The following BEND7 variants were observed in gnomAD, a reference collection of about 807,000 sequenced individuals.
BEND7 encodes the protein BEN domain containing 7.
Under a neutral mutation model 50.9 loss-of-function variants are expected in BEND7, and 28 were observed. That is an observed-to-expected ratio of 0.55 (90% confidence interval 0.41 to 0.75). BEND7 has a LOEUF of 0.75. BEND7 is among the 30% of genes least tolerant of loss of function. The pLI is 0.00. For synonymous variants in BEND7, 170 were observed against 183.9 expected (o/e 0.92, Z 0.61); for missense variants, 477 against 491.3 (o/e 0.97, Z 0.28).
Position 13,442,962 on chromosome 10 carries a change from A to G in BEND7, c.1235-1212T>C, listed in dbSNP as rs1302849377. On this transcript the variant is annotated intron_variant, in intron 8 of 8. Transcript: ENST00000466271. ...CAACTGCTCTCTCAGCACTGGAAAG[A>G]GCCATTCTCCTTTATACTGCATCTA... The G allele has an allele frequency of 2.2e-4, 33 of 152,250 alleles. 1 individual carries two copies. Among genetic ancestry groups the G allele is most frequent in the Admixed American group, 2.2e-3 (33 of 15,288 alleles). The allele number at this position is 152,250 out of a possible 1,614,324, so 9.4% of individuals were successfully genotyped here. A position where few individuals can be genotyped will look rare whatever the true frequency, so the allele number is the denominator to read the frequency against.
At chr10:13,461,534 A>G (rs1392552581) in intron 6 of BEND7, among the ~76,000 whole-genome samples, 2 of 152,192 alleles carry the variant, frequency 1.3e-5, no homozygotes, top group East Asian at 3.8e-4. Flanking sequence ...GGAGTTTGAG[A>G]CCATCCTGGC....
intron 6 of BEND7, among the ~76,000 whole-genome samples, chr10:13,476,192 G>A (rs1354739676): frequency 1.3e-5 from 2 of 152,120 alleles, no homozygotes; most frequent in Admixed American, 1.3e-4. Flanking sequence ...TAAAACAAGA[G>A]GTTTTGGTGG....
In BEND7 at chr10:13,528,590, AGCGGCG is replaced by A; in HGVS notation, c.-63_-58del. The A allele has an allele frequency of 2.4e-6, 2 of 817,012 alleles. No individual in the cohort carries two copies. The highest frequency in any genetic ancestry group is 2.9e-6 in the Non-Finnish European group (2 of 692,854). 50.6% of individuals were successfully genotyped at this position (817,012 alleles called of 1,614,324 possible). A position where few individuals can be genotyped will look rare whatever the true frequency, so the allele number is the denominator to read the frequency against. On this transcript the variant is annotated 5_prime_UTR_variant, in exon 1 of 9. Transcript: ENST00000466271. ...AGGCGGCGGCAGCGGCGGCAGCGGC[AGCGGCG>A]GCAGCGGCAGCGGCGGCGCGGGCTC...
At chr10:13,529,117 C>CGGCCGCCGCCATCCCCGGG (rs1455195425), upstream of BEND7, 1 of 144,476 alleles carries the variant, frequency 6.9e-6, no homozygotes, top group Non-Finnish European at 1.5e-5. Context: ...TGGCGGAGCC[C>CGGCCGCCGCCATCCCCGGG]GGCCGCCGCC....
intron 2 of BEND7, among the ~76,000 whole-genome samples, chr10:13,510,778 A>G (rs2078219018): frequency 6.6e-6 from 1 of 152,212 alleles, no homozygotes; most frequent in African/African-American, 2.4e-5. Flanking sequence ...GTTAAATAGC[A>G]TAATTCTATT....
At chr10:13,441,808 A>C in intron 8 of BEND7, 58 bp from the exon 9 acceptor site, 1 of 1,524,470 alleles carries the variant, frequency 6.6e-7, no homozygotes, top group African/African-American at 1.4e-5. Flanking sequence ...CCAGAAATGG[A>C]AAAAGGCTAA....
intron 6 of BEND7, among the ~76,000 whole-genome samples, chr10:13,455,522 GGAA>G: frequency 1.3e-5 from 2 of 152,282 alleles, no homozygotes; most frequent in Admixed American, 1.3e-4. Flanking sequence ...AGAGAGGGGT[GGAA>G]GAAGAGGGGA....
At position 13,457,151 on chromosome 10, in the gene BEND7, G is replaced by A. The variant is rs534435210; in HGVS notation, c.1064-4493C>T. 4.6e-5 allele frequency among the ~76,000 whole-genome samples: 7 copies of A among 152,322 alleles called. No individual in the cohort carries two copies. The East Asian group carries it at 9.6e-4, about 21-fold the overall frequency. ...CCCCTCTTTTCTTGGGTTGTGAAAT[G>A]CATGTGTCCAAATTAGCACACATTA... On this transcript the variant is annotated intron_variant, in intron 6 of 8. Transcript: ENST00000466271.
At chr10:13,453,481 A>G (rs1283780125) in intron 6 of BEND7, among the ~76,000 whole-genome samples, 1 of 152,222 alleles carries the variant, frequency 6.6e-6, no homozygotes, top group East Asian at 1.9e-4. Context: ...AAAAAAAGAC[A>G]AAAGAAAATA....
At chr10:13,454,438 C>CTCAA (rs36049312) in intron 6 of BEND7, among the ~76,000 whole-genome samples, 46,359 of 151,340 alleles carry the variant, frequency 0.31, 8,402 homozygotes, top group East Asian at 0.68. Flanking sequence ...GAGACCCTGT[C>CTCAA]TCAATCAATC....
chr10:13,513,897 C>T lies in BEND7; in HGVS notation c.145+12241G>A, dbSNP rs77702568. Among the ~76,000 whole-genome samples, 641 of 152,278 alleles carry T rather than the reference C, an allele frequency of 4.2e-3. 13 individuals are homozygous for T. The South Asian group carries it at 0.072, about 17-fold the overall frequency. ...CTTGGGTCTGGCTGCACATGAGAAC[C>T]ACTGGGGCAACTTTTAAAAAATAAA... On this transcript the variant is annotated intron_variant, in intron 2 of 8. Transcript: ENST00000466271.
At chr10:13,440,208 G>T (rs564785031), downstream of BEND7, among the ~76,000 whole-genome samples, 23 of 152,274 alleles carry the variant, frequency 1.5e-4, no homozygotes, top group Non-Finnish European at 2.6e-4. Flanking sequence ...ATACCTCAAA[G>T]CACCCATCCC....
At chr10:13,458,313 C>A (rs1839480225) in intron 6 of BEND7, among the ~76,000 whole-genome samples, 1 of 152,216 alleles carries the variant, frequency 6.6e-6, no homozygotes, top group Non-Finnish European at 1.5e-5. Flanking sequence ...ACATGCTGAA[C>A]GCGCCACTCT....
At chr10:13,469,206 G>A (rs963858523) in intron 6 of BEND7, among the ~76,000 whole-genome samples, 1 of 152,172 alleles carries the variant, frequency 6.6e-6, no homozygotes, top group Non-Finnish European at 1.5e-5. Flanking sequence ...AAGGGTTTCT[G>A]AGAAATACTA....
chr10:13,467,877 C>G (rs1481688249), intron 6 of BEND7, among the ~76,000 whole-genome samples: 5 of 152,070 alleles, frequency 3.3e-5, no homozygotes, highest in Non-Finnish European at 4.4e-5. Flanking sequence ...TCCTTCCTTC[C>G]TGTATTTATG....
intron 7 of BEND7, among the ~76,000 whole-genome samples, chr10:13,447,891 G>A (rs984932853): frequency 2.0e-5 from 3 of 152,124 alleles, no homozygotes; most frequent in African/African-American, 7.2e-5. Flanking sequence ...CATGTGGGGT[G>A]AATTGTTTAA....
intron 6 of BEND7, among the ~76,000 whole-genome samples, chr10:13,456,084 G>A (rs1308061315): frequency 1.3e-5 from 2 of 152,136 alleles, no homozygotes; most frequent in Non-Finnish European, 2.9e-5. Flanking sequence ...TGAAGATGCT[G>A]AAGGTGTGAC....
chr10:13,448,826 T>C (rs942030166), intron 7 of BEND7, among the ~76,000 whole-genome samples: 1 of 151,802 alleles, frequency 6.6e-6, no homozygotes, highest in South Asian at 2.1e-4. Context: ...ATACAGAAAA[T>C]TAGCCAAGAG....
At chr10:13,489,307 C>G (rs1229120764) in intron 5 of BEND7, among the ~76,000 whole-genome samples, 1 of 152,182 alleles carries the variant, frequency 6.6e-6, no homozygotes, top group Non-Finnish European at 1.5e-5. Context: ...TAAAAAGAAA[C>G]AACTGCCACA....
Sources: allele counts gnomAD v4.1 joint callset (sites outside exome capture counted in the v4.1 genomes callset), GRCh38; gene constraint gnomAD v4.1.1; transcripts MANE v1.5; gene names NCBI Gene and HGNC (gene_info 2026-07-23, HGNC 2026-07-21).